The following DCC variants were observed in gnomAD, a reference collection of about 807,000 sequenced individuals.
The protein encoded by DCC is DCC netrin 1 receptor, also known as netrin receptor DCC.
In DCC, 58 loss-of-function variants were observed where a neutral mutation model predicts 172.5. The ratio of observed to expected loss-of-function variants is 0.34; its 90% CI spans 0.27 to 0.42. The LOEUF is 0.42. DCC is among the 10% of genes least tolerant of loss of function. DCC has a pLI of 1.00. For missense variants in DCC, 1,740 were observed against 1,791.0 expected (o/e 0.97, Z 0.51); for synonymous variants, 709 against 644.5 (o/e 1.10, Z -1.52).
intron 1 of DCC, among the ~76,000 whole-genome samples, chr18:52,632,692 A>G (rs912352497): frequency 6.6e-6 from 1 of 152,178 alleles, no homozygotes; most frequent in Admixed American, 6.5e-5. Flanking sequence ...TCTGATCATG[A>G]GCATTCCTGT....
At chr18:53,107,700 T>C (rs2043271443) in intron 7 of DCC, among the ~76,000 whole-genome samples, 1 of 151,818 alleles carries the variant, frequency 6.6e-6, no homozygotes, top group Non-Finnish European at 1.5e-5. Flanking sequence ...TTACCACAGA[T>C]AGCATATTCA....
chr18:52,988,978 C>G (rs893911652), intron 5 of DCC, among the ~76,000 whole-genome samples: 1 of 151,354 alleles, frequency 6.6e-6, no homozygotes, highest in African/African-American at 2.5e-5. Context: ...CTAACTTTGA[C>G]AACCTAGAAA....
At chr18:53,065,501 C>T (rs2042552976) in intron 6 of DCC, among the ~76,000 whole-genome samples, 1 of 152,252 alleles carries the variant, frequency 6.6e-6, no homozygotes, top group African/African-American at 2.4e-5. Context: ...CCATACTCCC[C>T]TCTCCAAACC....
intron 7 of DCC, among the ~76,000 whole-genome samples, chr18:53,117,188 C>G (rs1173690480): frequency 6.6e-6 from 1 of 151,704 alleles, no homozygotes; most frequent in Non-Finnish European, 1.5e-5. Flanking sequence ...TAATCCATTT[C>G]TACATTGGGA....
chr18:52,469,635 G>A (rs189628684), intron 1 of DCC, among the ~76,000 whole-genome samples: 1 of 152,290 alleles, frequency 6.6e-6, no homozygotes, highest in East Asian at 1.9e-4. Context: ...TTAATTGGGT[G>A]CCCACCTGAC....
intron 16 of DCC, 55 bp from the exon 17 acceptor site, chr18:53,391,600 C>A: frequency 1.7e-6 from 2 of 1,150,840 alleles, no homozygotes; most frequent in Non-Finnish European, 2.6e-6. Context: ...TATTTTTTAA[C>A]GCTTTTATTT....
In DCC at chr18:52,340,401, T is replaced by A. The variant is rs555646787; in HGVS notation, c.-387T>A. The stretch of plus-strand genomic sequence containing the variant: ...TTAATGCACAGCCCGGCCACAGGAT[T>A]GCCTTCCATCTCCTCTTGGTCCCTC... On this transcript the variant is annotated 5_prime_UTR_variant, in exon 1 of 29. It introduces an in-frame stop codon into an upstream open reading frame of the 5' UTR. Transcript: ENST00000442544. 1 of 280,510 alleles carries A rather than the reference T, an allele frequency of 3.6e-6. No homozygotes were observed. Among genetic ancestry groups the A allele is most frequent in the African/African-American group, 2.1e-5 (1 of 46,644 alleles). The allele number at this position is 280,510 out of a possible 1,614,324, so 17.4% of individuals were successfully genotyped here.
In DCC at chr18:52,828,298, T is replaced by C. The variant is rs1165172334; in HGVS notation, c.412+75924T>C. On this transcript the variant is annotated intron_variant, in intron 2 of 28. Coordinates refer to ENST00000442544, the MANE Select transcript of DCC (RefSeq NM_005215.4). ...CCAGTTAAGCATAATCTTTAAAGAT[T>C]TGGCTTATGGTTCCAGACCTATTGA... Among the ~76,000 whole-genome samples, 4 of 152,180 alleles carry C rather than the reference T, an allele frequency of 2.6e-5. 1 individual carries two copies. The highest frequency in any genetic ancestry group is 2.6e-4 in the Admixed American group (4 of 15,280).
chr18:52,841,878 G>A (rs1258628997), intron 2 of DCC, among the ~76,000 whole-genome samples: 1 of 152,032 alleles, frequency 6.6e-6, no homozygotes, highest in Non-Finnish European at 1.5e-5. Flanking sequence ...CCTGGAAAGA[G>A]TATCATCAAT....
At chr18:52,846,673 GTC>G (rs1447940393) in intron 2 of DCC, among the ~76,000 whole-genome samples, 1 of 148,758 alleles carries the variant, frequency 6.7e-6, no homozygotes, top group Non-Finnish European at 1.5e-5. Flanking sequence ...TTGTCTTGGT[GTC>G]TCTCGCAGAG....
intron 5 of DCC, among the ~76,000 whole-genome samples, chr18:53,027,809 C>G (rs1454803021): frequency 6.6e-6 from 1 of 151,922 alleles, no homozygotes; most frequent in East Asian, 1.9e-4. Context: ...AGTTTTGACG[C>G]ACGTCAAGAG....
intron 1 of DCC, among the ~76,000 whole-genome samples, chr18:52,493,152 T>C (rs1436335580): frequency 6.6e-6 from 1 of 152,022 alleles, no homozygotes; most frequent in Admixed American, 6.6e-5. Context: ...AAAATCCTGA[T>C]GGGTGTTTGG....
At chr18:52,496,355 A>T (rs1336231959) in intron 1 of DCC, among the ~76,000 whole-genome samples, 1 of 152,194 alleles carries the variant, frequency 6.6e-6, no homozygotes, top group Admixed American at 6.6e-5. Flanking sequence ...CATCGGGACA[A>T]TGTAGAAATA....
At chr18:53,460,993 T>C (rs1417435852) in intron 24 of DCC, among the ~76,000 whole-genome samples, 1 of 152,242 alleles carries the variant, frequency 6.6e-6, no homozygotes, top group African/African-American at 2.4e-5. Flanking sequence ...TGAGATGATA[T>C]CTCATTGTGG....
chr18:53,058,244 G>GT (rs2042440692), intron 5 of DCC, among the ~76,000 whole-genome samples: 1 of 152,092 alleles, frequency 6.6e-6, no homozygotes, highest in Non-Finnish European at 1.5e-5. Context: ...AGTAGAATTA[G>GT]TTTAAGTAGA....
intron 1 of DCC, among the ~76,000 whole-genome samples, chr18:52,438,157 C>T (rs1987857285): frequency 6.6e-6 from 1 of 152,166 alleles, no homozygotes; most frequent in South Asian, 2.1e-4. Flanking sequence ...AGCTTGCTCC[C>T]CATCCTCCCA....
At chr18:52,770,923 C>A (rs2037330898) in intron 2 of DCC, among the ~76,000 whole-genome samples, 1 of 152,190 alleles carries the variant, frequency 6.6e-6, no homozygotes, top group African/African-American at 2.4e-5. Flanking sequence ...GTCCAGAGAT[C>A]ATTTCGTTTT....
intron 12 of DCC, among the ~76,000 whole-genome samples, chr18:53,218,068 C>T (rs529747004): frequency 6.6e-6 from 1 of 151,964 alleles, no homozygotes; most frequent in Non-Finnish European, 1.5e-5. Flanking sequence ...AGGCTGGTAT[C>T]AAAGTCCTGA....
chr18:52,835,473 A>G (rs924341895), intron 2 of DCC, among the ~76,000 whole-genome samples: 3 of 152,204 alleles, frequency 2.0e-5, no homozygotes, highest in Non-Finnish European at 4.4e-5. Context: ...ATTTCACTGC[A>G]TTGAAAATGT....
Sources: gnomAD v4.1 joint callset for allele counts (sites outside exome capture counted in the v4.1 genomes callset) on GRCh38, gnomAD v4.1.1 for gene constraint, MANE v1.5 for transcripts, NCBI Gene and HGNC (gene_info 2026-07-23, HGNC 2026-07-21) for gene names.